TMX3: variants seen among roughly 807,000 people sequenced by gnomAD.
TMX3 encodes thioredoxin related transmembrane protein 3.
Under a neutral mutation model 64.4 loss-of-function variants are expected in TMX3, and 40 were observed. That is an observed-to-expected ratio of 0.62 (90% CI 0.48 to 0.81). The LOEUF is 0.81. Ranked by LOEUF, TMX3 falls within the 30% of genes least tolerant of loss-of-function variation. TMX3 has a pLI of 0.00. For synonymous variants in TMX3, 189 were observed against 175.7 expected (o/e 1.08, Z -0.60); for missense variants, 497 against 534.5 (o/e 0.93, Z 0.69).
At chr18:68,705,374 T>C (rs1006513813) in intron 4 of TMX3, among the ~76,000 whole-genome samples, 1 of 152,170 alleles carries the variant, frequency 6.6e-6, no homozygotes, top group Non-Finnish European at 1.5e-5. Flanking sequence ...ATGTCAATAA[T>C]GCAAGGCTGA....
Position 68,681,086 on chromosome 18 carries a change from A to T in TMX3, c.930T>A (p.Val310=), listed in dbSNP as rs957342826. ...LMDELTVPTV[V]VLNTSNQQYF... ...ATTGCTGGTTTGAAGTATTCAGTAC[A>T]ACTACAGTTGGGACTGTCAATTCAC... Residue 310 remains valine, a synonymous_variant, in exon 14 of 16, where the codon GTT becomes GTA. Transcript: ENST00000299608. 1 of 1,588,100 alleles carries T rather than the reference A, an allele frequency of 6.3e-7. No individual in the cohort carries two copies. Among genetic ancestry groups the T allele is most frequent in the East Asian group, 2.3e-5 (1 of 43,782 alleles).
At chr18:68,714,537 A>G (rs1358150424) in intron 1 of TMX3, 2 of 269,244 alleles carry the variant, frequency 7.4e-6, no homozygotes, top group Non-Finnish European at 1.4e-5. Context: ...CCCTCTCTTG[A>G]GTACTGGTGG....
intron 3 of TMX3, 54 bp downstream of exon 3, chr18:68,711,310 T>C (rs1316055869): frequency 6.1e-5 from 86 of 1,404,024 alleles, no homozygotes; most frequent in Non-Finnish European, 8.0e-5. Flanking sequence ...GAATAGAAAA[T>C]AATACTTAAA....
intron 14 of TMX3, among the ~76,000 whole-genome samples, chr18:68,680,155 A>T (rs2145007823): frequency 6.6e-6 from 1 of 152,324 alleles, no homozygotes; most frequent in South Asian, 2.1e-4. Context: ...ACTGTTTTTC[A>T]AACTTCTTCA....
At chr18:68,678,370 G>A (rs1379586185) in intron 15 of TMX3, among the ~76,000 whole-genome samples, 1 of 152,122 alleles carries the variant, frequency 6.6e-6, no homozygotes, top group Non-Finnish European at 1.5e-5. Flanking sequence ...TTCCTCTGCT[G>A]TCAAGTTGAT....
chr18:68,676,565 T>C lies in TMX3; in HGVS notation c.*368A>G, dbSNP rs565562277. 1.5e-4 allele frequency: 26 copies of C among 175,824 alleles called. No homozygotes were observed. The highest frequency in any genetic ancestry group is 1.1e-3 in the Admixed American group (19 of 16,994). 10.9% of individuals were successfully genotyped at this position (175,824 alleles called of 1,614,324 possible). ...GAAACGGATGGCAGCAGGAGAGGCA[T>C]TATTTTTCTATATCACACATGTATC... On this transcript the variant is annotated 3_prime_UTR_variant, in exon 16 of 16. Transcript: ENST00000299608.
At chr18:68,712,370 G>A (rs1360299057) in intron 2 of TMX3, among the ~76,000 whole-genome samples, 1 of 152,102 alleles carries the variant, frequency 6.6e-6, no homozygotes, top group Non-Finnish European at 1.5e-5. Flanking sequence ...GCTTTTTCAC[G>A]TTGTTATGGT....
chr18:68,698,882 C>T (rs1305315307), intron 6 of TMX3, among the ~76,000 whole-genome samples: 4 of 145,350 alleles, frequency 2.8e-5, no homozygotes, highest in African/African-American at 9.9e-5. Context: ...ATTAGCCGGG[C>T]GTGGTAGCGG....
At chr18:68,711,332 G>A in intron 3 of TMX3, 32 bp downstream of exon 3, 1 of 1,534,722 alleles carries the variant, frequency 6.5e-7, no homozygotes, top group Non-Finnish European at 8.9e-7. Flanking sequence ...TGGTAGGGGT[G>A]GGTAATTAGC....
chr18:68,686,525 A>G (rs1219978846), intron 10 of TMX3, among the ~76,000 whole-genome samples: 2 of 152,244 alleles, frequency 1.3e-5, no homozygotes, highest in African/African-American at 2.4e-5. Context: ...CCTGGCCAAC[A>G]TGGTGAAACC....
At chr18:68,680,628 C>T (rs1006779306) in intron 14 of TMX3, among the ~76,000 whole-genome samples, 2 of 152,106 alleles carry the variant, frequency 1.3e-5, no homozygotes, top group Non-Finnish European at 2.9e-5. Flanking sequence ...TACTAAGAGA[C>T]AGGCAAGTTC....
chr18:68,701,691 T>A, intron 5 of TMX3, 54 bp downstream of exon 5: 1 of 1,608,408 alleles, frequency 6.2e-7, no homozygotes, highest in African/African-American at 1.3e-5. Context: ...TAATAAAATG[T>A]AAGTAGAGTG....
At chr18:68,687,381 G>T in intron 10 of TMX3, 1 of 985,302 alleles carries the variant, frequency 1.0e-6, no homozygotes, top group Non-Finnish European at 1.2e-6. Context: ...TCTGAGTACA[G>T]CTTCTTAGTT....
intron 4 of TMX3, among the ~76,000 whole-genome samples, chr18:68,706,787 T>TA (rs1472718087): frequency 6.6e-6 from 1 of 152,202 alleles, no homozygotes; most frequent in African/African-American, 2.4e-5. Flanking sequence ...TCAACTGCCT[T>TA]AAAAATTTAG....
At chr18:68,691,271 A>G (rs756836835) in intron 9 of TMX3, 24 bp downstream of exon 9, 2 of 1,509,640 alleles carry the variant, frequency 1.3e-6, no homozygotes, top group Non-Finnish European at 9.0e-7. Flanking sequence ...AATGTTTTAC[A>G]TGAGTTAAAG....
At chr18:68,691,393 A>T in intron 8 of TMX3, 32 bp from the exon 9 acceptor site, 1 of 1,389,978 alleles carries the variant, frequency 7.2e-7, no homozygotes, top group Non-Finnish European at 9.6e-7. Context: ...AATAACTTTT[A>T]TCACTAAAAA....
In TMX3 at chr18:68,697,159, G is replaced by A. The variant is rs412679; in HGVS notation, c.570+67C>T. On this transcript the variant is annotated intron_variant, in intron 8 of 15. Coordinates refer to ENST00000299608, the MANE Select transcript of TMX3 (RefSeq NM_019022.5). ...AATCAAGTAATAAAATCACAATTTAGTTTATTAAATCAAGTAATAATTTAA... is the reference window on the plus strand; with the variant it reads ...AATCAAGTAATAAAATCACAATTTAATTTATTAAATCAAGTAATAATTTAA... The A allele has an allele frequency of 0.13, 105,746 of 806,472 alleles. 10,479 individuals carry two copies. Among genetic ancestry groups the A allele is most frequent in the African/African-American group, 0.44 (24,650 of 56,442 alleles). 50.0% of individuals were successfully genotyped at this position (806,472 alleles called of 1,614,324 possible).
chr18:68,682,814 A>G lies in TMX3; in HGVS notation c.905+111T>C, dbSNP rs1913565111. ...TTAATGGGAGAATATCTGCATCTGA[A>G]TATGTCAACTGTTTGCTATTTTTCA... On this transcript the variant is annotated intron_variant, in intron 13 of 15. Transcript: ENST00000299608. The G allele has an allele frequency of 6.1e-6, 5 of 813,234 alleles. No homozygotes were observed. The South Asian group carries it at 1.2e-4, about 19-fold the overall frequency. 50.4% of individuals were successfully genotyped at this position (813,234 alleles called of 1,614,324 possible).
chr18:68,685,781 T>TA lies in TMX3; in HGVS notation c.737-1297dup, dbSNP rs535623921. On this transcript the variant is annotated intron_variant, in intron 10 of 15. Coordinates refer to ENST00000299608, the MANE Select transcript of TMX3 (RefSeq NM_019022.5). Reference sequence around the variant, plus strand: ...CATTAAAAATAAGAATATGCTGCTATAAAAAAAATTACAGCATAAATTAAT... The same window carrying TA: ...CATTAAAAATAAGAATATGCTGCTATAAAAAAAAATTACAGCATAAATTAAT... Among the ~76,000 whole-genome samples the TA allele has an allele frequency of 4.7e-4, 72 of 152,144 alleles. 1 individual carries two copies. In the South Asian group the frequency reaches 9.6e-3, roughly 20 times the overall value.
Sources: allele counts gnomAD v4.1 joint callset (sites outside exome capture counted in the v4.1 genomes callset), GRCh38; gene constraint gnomAD v4.1.1; transcripts MANE v1.5; gene names NCBI Gene and HGNC (gene_info 2026-07-23, HGNC 2026-07-21).